Variants in COL18A1 observed in about 807,000 individuals in gnomAD.
The protein encoded by COL18A1 is collagen type XVIII alpha 1 chain.
Under a neutral mutation model 168.0 loss-of-function variants are expected in COL18A1, and 133 were observed. That is an observed-to-expected ratio of 0.79 (90% CI 0.69 to 0.91). The LOEUF (loss-of-function observed/expected upper bound fraction) is 0.91, where lower values mean the gene tolerates loss of function less well. Among genes scored for constraint, COL18A1 ranks in the 40% least tolerant of loss-of-function variants. COL18A1 has a pLI of 0.00. For missense variants in COL18A1, 2,126 were observed against 1,925.4 expected (o/e 1.10, Z -1.95); for synonymous variants, 949 against 809.0 (o/e 1.17, Z -2.94).
In COL18A1 at chr21:45,492,702, G is replaced by T. The variant is rs372137898; in HGVS notation, c.2203G>T (p.Ala735Ser). ...VPGPEGRPGF[A>S]GFPGPAGPKG... The stretch of plus-strand genomic sequence containing the variant: ...CTTTCCCCAGGGCCGGCCGGGTTTC[G>T]CAGGCTTTCCCGTGAGTAACCTGGT... The change falls in exon 24 of 42, where the codon GCA (alanine) becomes TCA (serine). Residue 735 changes from alanine to serine, a missense_variant. Physicochemically the swap from Ala to Ser is moderately conservative, Grantham distance 99. Coordinates refer to ENST00000651438, the MANE Select transcript of COL18A1 (RefSeq NM_001379500.1). The T allele has an allele frequency of 5.6e-6, 9 of 1,609,324 alleles. No individual in the cohort carries two copies. The highest frequency in any genetic ancestry group is 1.3e-5 in the African/African-American group (1 of 74,968).
intron 2 of COL18A1, among the ~76,000 whole-genome samples, chr21:45,448,051 C>T (rs2034541122): frequency 6.6e-6 from 1 of 152,222 alleles, no homozygotes; most frequent in East Asian, 1.9e-4. Context: ...CATTTCTTCC[C>T]ACCCTCTGCT....
intron 39 of COL18A1, 39 bp downstream of exon 39, chr21:45,509,640 C>A: frequency 9.3e-7 from 1 of 1,078,064 alleles, no homozygotes; most frequent in Non-Finnish European, 1.4e-6. Context: ...TCCATCTAGC[C>A]CCTCGGCTCT....
At chr21:45,455,679 G>T (rs1462930596) in intron 2 of COL18A1, 2 of 1,613,836 alleles carry the variant, frequency 1.2e-6, no homozygotes, top group South Asian at 2.2e-5. Flanking sequence ...GAGCCCCAGG[G>T]GCCCCTGCCT....
At position 45,477,823 on chromosome 21, in the gene COL18A1, C is replaced by CAT; in HGVS notation, c.1080_1081dup (p.Cys361TyrfsTer13). 1.3e-6 allele frequency: 2 copies of CAT among 1,552,514 alleles called. No homozygotes were observed. Among genetic ancestry groups the CAT allele is most frequent in the Non-Finnish European group, 1.7e-6 (2 of 1,147,938 alleles). On this transcript the variant is annotated frameshift_variant, in exon 8 of 42. Coordinates refer to ENST00000651438, the MANE Select transcript of COL18A1 (RefSeq NM_001379500.1). LOFTEE classifies it high-confidence loss of function. ...GGCCGGGCAGGCCCCCCAGGATCCC[C>CAT]ATGCCTACCTGGTCCCCCGGGTCTC...
chr21:45,504,432 G>C lies in COL18A1; in HGVS notation c.2744G>C (p.Arg915Pro). 1 of 1,611,788 alleles carries C rather than the reference G, an allele frequency of 6.2e-7. No homozygotes were observed. Among genetic ancestry groups the C allele is most frequent in the Non-Finnish European group, 8.5e-7 (1 of 1,179,440 alleles). The change falls in exon 34 of 42, where the codon CGA becomes CCA. Residue 915 changes from arginine (R) to proline (P), a missense_variant. Arg to Pro is a moderately radical substitution (Grantham distance 103, BLOSUM62 -2). Transcript: ENST00000651438. ...EAEMKGEKGD[R>P]GDAGQKGERG... ...CGTCCACAGGGGGAGAAGGGAGACCGAGGTGATGCAGGACAGAAAGGCGAA... is the reference window on the plus strand; with the variant it reads ...CGTCCACAGGGGGAGAAGGGAGACCCAGGTGATGCAGGACAGAAAGGCGAA...
At chr21:45,497,728 C>T in intron 32 of COL18A1, 67 bp downstream of exon 32, 2 of 1,544,994 alleles carry the variant, frequency 1.3e-6, no homozygotes, top group Admixed American at 2.0e-5. Flanking sequence ...GTGGTCACAC[C>T]TAGAGCCGCC....
rs759588620 is a variant in COL18A1 at position 45,471,943 on chromosome 21, C to T, written c.652-1952C>T. ...GCACTAGCGCCTCCTGCCCCACCCC[C>T]GGAGCCAGCGGCCACCACGGGCTCA... On this transcript the variant is annotated intron_variant, in intron 3 of 41. Transcript: ENST00000651438. The surrounding 1 kb of genome is among the most constrained non-coding windows in gnomAD (Gnocchi z 4.4). 6.6e-5 allele frequency among the ~76,000 whole-genome samples: 10 copies of T among 152,336 alleles called. No homozygotes were observed. Among genetic ancestry groups the T allele is most frequent in the Middle Eastern group, 6.8e-3 (2 of 294 alleles).
At position 45,457,806 on chromosome 21, in the gene COL18A1, C is replaced by T. The variant is rs1378281784; in HGVS notation, c.107-10436C>T. 2.0e-5 allele frequency among the ~76,000 whole-genome samples: 3 copies of T among 152,164 alleles called. No homozygotes were observed. Among genetic ancestry groups the T allele is most frequent in the Non-Finnish European group, 4.4e-5 (3 of 68,024 alleles). ...AGGGGAAGCAGCCTTGCTGTTTGCT[C>T]TTTGGGCTTTGGGACAGGGTTGGTG... is the stretch of plus-strand genomic sequence containing the variant. On this transcript the variant is annotated intron_variant, in intron 2 of 41. Transcript: ENST00000651438. The surrounding 1 kb of genome is among the most constrained non-coding windows in gnomAD (Gnocchi z 4.6).
At chr21:45,480,282 G>T (rs2035846413) in intron 11 of COL18A1, 126 bp downstream of exon 11, 2 of 1,207,628 alleles carry the variant, frequency 1.7e-6, no homozygotes, top group East Asian at 5.1e-5. Flanking sequence ...GAGCTGAGGG[G>T]TCACAGGTGT....
intron 2 of COL18A1, among the ~76,000 whole-genome samples, chr21:45,419,120 T>A (rs1462459896): frequency 6.6e-6 from 1 of 152,246 alleles, no homozygotes; most frequent in Non-Finnish European, 1.5e-5. Flanking sequence ...CCAGAGGCTC[T>A]GGAGCTGGGC....
intron 20 of COL18A1, among the ~76,000 whole-genome samples, 183 bp downstream of exon 20, chr21:45,490,529 TCTCTGGGCCTCCGTGTGCCC>T (rs1378562739): frequency 4.6e-5 from 5 of 109,164 alleles, no homozygotes; most frequent in South Asian, 2.9e-4. Context: ...CACTCCCGGG[TCTCTGGGCCTCCGTGTGCCC>T]TCCTGGGTCT....
At chr21:45,417,660 C>T (rs758010528) in intron 2 of COL18A1, among the ~76,000 whole-genome samples, 2 of 152,178 alleles carry the variant, frequency 1.3e-5, no homozygotes, top group Non-Finnish European at 2.9e-5. Context: ...GTGCACCAGG[C>T]CTGTTAATAA....
At chr21:45,469,741 C>T (rs986731712) in intron 3 of COL18A1, among the ~76,000 whole-genome samples, 27 of 152,194 alleles carry the variant, frequency 1.8e-4, no homozygotes, top group African/African-American at 6.5e-4. Context: ...CCTGGCGGGC[C>T]GCAGGGGACA....
intron 2 of COL18A1, among the ~76,000 whole-genome samples, chr21:45,453,152 C>T (rs968483109): frequency 6.6e-6 from 1 of 150,700 alleles, no homozygotes; most frequent in Admixed American, 6.6e-5. Flanking sequence ...TCACATGTGA[C>T]ATGTGTGAGC....
chr21:45,453,516 G>A (rs1569297309), intron 2 of COL18A1, among the ~76,000 whole-genome samples: 2 of 152,234 alleles, frequency 1.3e-5, no homozygotes, highest in South Asian at 4.1e-4. Flanking sequence ...AGATCCCGGG[G>A]GCTGAGCTGT....
In COL18A1 at chr21:45,477,474, G is replaced by A. The variant is rs1178195635; in HGVS notation, c.992G>A (p.Gly331Asp). The A allele has an allele frequency of 5.0e-6, 8 of 1,610,994 alleles. No individual in the cohort carries two copies. The highest frequency in any genetic ancestry group is 2.2e-5 in the East Asian group (1 of 44,736). Residue 331 changes from glycine to aspartate, a missense_variant, in exon 7 of 42, where the codon GGC (glycine) becomes GAC (aspartate). By Grantham distance (94) the Gly-to-Asp change is moderately conservative (BLOSUM62 -1). Transcript: ENST00000651438. ...TWDGSVRTPG[G>D]RVKEGGLKGQ... ...GACGGGAGTGTCCGGACCCCTGGGG[G>A]CCGCGTGAAAGAGGTAAGGCCACCT...
chr21:45,417,502 G>T (rs76513893), intron 2 of COL18A1, among the ~76,000 whole-genome samples: 1 of 152,130 alleles, frequency 6.6e-6, no homozygotes, highest in Non-Finnish European at 1.5e-5. Context: ...GTCCTCTTCC[G>T]ACTCGAGGGT....
intron 2 of COL18A1, among the ~76,000 whole-genome samples, chr21:45,434,508 TGA>T (rs1338021110): frequency 1.3e-5 from 2 of 152,196 alleles, no homozygotes; most frequent in African/African-American, 4.8e-5. Flanking sequence ...ACTCCCTGCC[TGA>T]GTCGGGGTGA....
chr21:45,454,041 A>G (rs973514193), intron 2 of COL18A1, among the ~76,000 whole-genome samples: 1 of 152,238 alleles, frequency 6.6e-6, no homozygotes, highest in African/African-American at 2.4e-5. Flanking sequence ...GTGTTCAGAC[A>G]TAAAATCACA....
Sources: gnomAD v4.1 joint callset for allele counts (sites outside exome capture counted in the v4.1 genomes callset) on GRCh38, gnomAD v4.1.1 for gene constraint, Gnocchi (gnomAD v3.1) non-coding constraint, MANE v1.5 for transcripts, NCBI Gene and HGNC (gene_info 2026-07-23, HGNC 2026-07-21) for gene names.